The following SMURF2 variants were observed in gnomAD, a reference collection of about 807,000 sequenced individuals.
SMURF2 encodes SMAD specific E3 ubiquitin protein ligase 2, also known as E3 ubiquitin-protein ligase SMURF2.
A neutral mutation model predicts 109.6 loss-of-function variants in SMURF2; 48 were observed. The ratio of observed to expected loss-of-function variants is 0.44; its 90% confidence interval spans 0.35 to 0.56. The LOEUF (loss-of-function observed/expected upper bound fraction) is 0.56. Ranked by LOEUF, SMURF2 falls within the 20% of genes least tolerant of loss-of-function variation. SMURF2 has a pLI of 0.01. For synonymous variants in SMURF2, 288 were observed against 317.1 expected, an observed-to-expected ratio of 0.91 and a Z score of 0.97; for missense variants, 575 against 909.0, an observed-to-expected ratio of 0.63 and a Z score of 4.72.
chr17:64,584,963 A>T (rs1283773307), intron 6 of SMURF2, among the ~76,000 whole-genome samples: 1 of 152,190 alleles, frequency 6.6e-6, no homozygotes, highest in East Asian at 1.9e-4. Flanking sequence ...TATCTATAAA[A>T]GAGCTAACAG....
chr17:64,590,777 A>G (rs1969740240), intron 5 of SMURF2, among the ~76,000 whole-genome samples: 2 of 152,212 alleles, frequency 1.3e-5, no homozygotes, highest in African/African-American at 4.8e-5. Context: ...TAGTTTGAGA[A>G]TTATTTTCAG....
intron 3 of SMURF2, among the ~76,000 whole-genome samples, chr17:64,594,832 C>CA (rs1203838255): frequency 1.3e-5 from 2 of 151,862 alleles, no homozygotes; most frequent in Admixed American, 6.6e-5. Context: ...ACTAAAAATA[C>CA]AAAAAAACTT....
At chr17:64,657,184 C>T (rs1438995234) in intron 1 of SMURF2, among the ~76,000 whole-genome samples, 6 of 152,106 alleles carry the variant, frequency 3.9e-5, no homozygotes, top group Non-Finnish European at 4.4e-5. Context: ...ACTAGAAGAG[C>T]TTCTTAGAGT....
intron 1 of SMURF2, among the ~76,000 whole-genome samples, chr17:64,622,104 TAAAAA>T (rs376774100): frequency 0.021 from 3,210 of 150,134 alleles, 51 homozygotes; most frequent in Middle Eastern, 0.046. Context: ...TTTAAAAAAA[TAAAAA>T]TAAAAAGCAG....
intron 16 of SMURF2, 78 bp downstream of exon 16, chr17:64,551,506 T>TCCTCTA (rs1273556918): frequency 2.7e-6 from 4 of 1,467,960 alleles, no homozygotes; most frequent in Non-Finnish European, 3.8e-6. Context: ...AAATATGCTT[T>TCCTCTA]CCTCTAAAAC....
chr17:64,569,250 G>A (rs1272175533), intron 10 of SMURF2, among the ~76,000 whole-genome samples: 1 of 151,778 alleles, frequency 6.6e-6, no homozygotes, highest in South Asian at 2.1e-4. Flanking sequence ...GCAGTGAGCT[G>A]AGATCACGCC....
chr17:64,620,286 C>T (rs191281680), intron 1 of SMURF2, among the ~76,000 whole-genome samples: 3 of 152,174 alleles, frequency 2.0e-5, no homozygotes, highest in Admixed American at 6.5e-5. Flanking sequence ...TTCTTTAACC[C>T]CTAAAGCTTG....
At chr17:64,578,674 C>T in intron 8 of SMURF2, 98 bp from the exon 9 acceptor site, 1 of 691,106 alleles carries the variant, frequency 1.4e-6, no homozygotes, top group Non-Finnish European at 2.5e-6. Flanking sequence ...GGAAAAATCT[C>T]CAAATTACCA....
At chr17:64,652,634 C>T (rs1449528594) in intron 1 of SMURF2, among the ~76,000 whole-genome samples, 1 of 152,176 alleles carries the variant, frequency 6.6e-6, no homozygotes, top group Admixed American at 6.5e-5. Context: ...ATGACAGGCA[C>T]CTGCCACACA....
At chr17:64,620,349 C>G (rs79078130) in intron 1 of SMURF2, among the ~76,000 whole-genome samples, 3,478 of 152,274 alleles carry the variant, frequency 0.023, 53 homozygotes, top group Non-Finnish European at 0.034. Flanking sequence ...TGGCTCACCC[C>G]TAACTGCCAC....
intron 14 of SMURF2, 38 bp from the exon 15 acceptor site, chr17:64,555,031 C>T (rs1351618752): frequency 1.3e-6 from 2 of 1,590,100 alleles, no homozygotes; most frequent in Non-Finnish European, 1.7e-6. Flanking sequence ...AACTGGGAAA[C>T]CTAAAATACA....
chr17:64,543,271 T>C lies in SMURF2; in HGVS notation c.*2577A>G, dbSNP rs1555682774. 9.8e-6 allele frequency: 1 copy of C among 101,752 alleles called. No homozygotes were observed. 6.3% of individuals were successfully genotyped at this position (101,752 alleles called of 1,614,324 possible). On this transcript the variant is annotated 3_prime_UTR_variant, in exon 19 of 19. Transcript: ENST00000262435. The stretch of plus-strand genomic sequence containing the variant: ...ATAGACTGTTATGGAGAGTAATTTC[T>C]TTTTTTTTTTTTTTTGGGCGGGGAC...
chr17:64,658,615 A>G (rs1190010026), intron 1 of SMURF2, among the ~76,000 whole-genome samples: 1 of 152,230 alleles, frequency 6.6e-6, no homozygotes, highest in African/African-American at 2.4e-5. Flanking sequence ...GGTCTGAAAC[A>G]AATGTTCTGG....
chr17:64,635,157 T>A (rs1250198710), intron 1 of SMURF2, among the ~76,000 whole-genome samples: 1 of 151,934 alleles, frequency 6.6e-6, no homozygotes, highest in East Asian at 1.9e-4. Flanking sequence ...TGAAATTCCA[T>A]CTCTATTAAA....
intron 1 of SMURF2, among the ~76,000 whole-genome samples, chr17:64,653,874 G>T (rs925626808): frequency 6.6e-6 from 1 of 152,132 alleles, no homozygotes; most frequent in Non-Finnish European, 1.5e-5. Flanking sequence ...AAACAAATTG[G>T]TGTACAATGC....
intron 13 of SMURF2, 146 bp from the exon 14 acceptor site, chr17:64,556,144 G>C (rs1328544465): frequency 3.5e-6 from 2 of 578,362 alleles, no homozygotes; most frequent in Admixed American, 3.2e-5. Flanking sequence ...TATTTCTCTA[G>C]GGCATGCTCC....
intron 8 of SMURF2, among the ~76,000 whole-genome samples, chr17:64,579,900 T>G (rs1266580617): frequency 6.6e-6 from 1 of 152,222 alleles, no homozygotes; most frequent in African/African-American, 2.4e-5. Context: ...AAAGTTAACC[T>G]TTGAGTCATA....
chr17:64,642,348 C>T (rs1970503122), intron 1 of SMURF2, among the ~76,000 whole-genome samples: 1 of 152,150 alleles, frequency 6.6e-6, no homozygotes, highest in South Asian at 2.1e-4. Context: ...AGATTCTTTA[C>T]CTGCATCATG....
intron 5 of SMURF2, among the ~76,000 whole-genome samples, chr17:64,587,061 A>G (rs534833825): frequency 8.9e-4 from 136 of 152,234 alleles, no homozygotes; most frequent in African/African-American, 3.2e-3. Context: ...CTGCAGTCCC[A>G]GCTACTGGGG....
Sources: allele counts gnomAD v4.1 joint callset (sites outside exome capture counted in the v4.1 genomes callset), GRCh38; gene constraint gnomAD v4.1.1; transcripts MANE v1.5; gene names NCBI Gene and HGNC (gene_info 2026-07-23, HGNC 2026-07-21).